MARCHF3: variants seen among roughly 807,000 people sequenced by gnomAD.
MARCHF3 encodes the protein E3 ubiquitin-protein ligase MARCHF3.
Under a neutral mutation model 24.2 loss-of-function variants are expected in MARCHF3, and 13 were observed. The ratio of observed to expected loss-of-function variants is 0.54; its 90% CI spans 0.35 to 0.85. The LOEUF (loss-of-function observed/expected upper bound fraction) is 0.85. Among genes scored for constraint, MARCHF3 ranks in the 40% least tolerant of loss-of-function variants. The pLI, the probability that MARCHF3 is intolerant of heterozygous loss-of-function variation, is 0.01. For missense variants in MARCHF3, 276 were observed against 325.0 expected, an observed-to-expected ratio of 0.85 and a Z score of 1.16; for synonymous variants, 144 against 137.3, an observed-to-expected ratio of 1.05 and a Z score of -0.34.
chr5:126,987,847 G>C (rs1406832488), intron 1 of MARCHF3, among the ~76,000 whole-genome samples: 1 of 152,108 alleles, frequency 6.6e-6, no homozygotes, highest in Non-Finnish European at 1.5e-5. Flanking sequence ...CCTGCCTTAG[G>C]TCCATGCACT....
intron 1 of MARCHF3, among the ~76,000 whole-genome samples, chr5:127,017,604 G>C (rs975974871): frequency 2.6e-5 from 4 of 152,112 alleles, no homozygotes; most frequent in African/African-American, 9.7e-5. Context: ...TTACAATAAA[G>C]TGTTGAATAT....
intron 1 of MARCHF3, among the ~76,000 whole-genome samples, chr5:126,953,744 T>C (rs1750330535): frequency 6.6e-6 from 1 of 152,196 alleles, no homozygotes; most frequent in African/African-American, 2.4e-5. Flanking sequence ...GCTCTTGCCT[T>C]TCCTCCACTC....
At chr5:126,982,973 C>T (rs919744953) in intron 1 of MARCHF3, among the ~76,000 whole-genome samples, 3 of 152,152 alleles carry the variant, frequency 2.0e-5, no homozygotes, top group Non-Finnish European at 2.9e-5. Flanking sequence ...ACAGCTAATC[C>T]TGACATAGGT....
At chr5:126,954,189 C>A (rs547949283) in intron 1 of MARCHF3, among the ~76,000 whole-genome samples, 121 of 149,586 alleles carry the variant, frequency 8.1e-4, no homozygotes, top group Admixed American at 2.0e-3. Context: ...CCTGCCAACA[C>A]GCCCGGCTAA....
chr5:127,001,304 G>A lies in MARCHF3; in HGVS notation c.-57+29046C>T, dbSNP rs1381745719. ...CCAATGCCATTTGACAAAGAAGGTAGGAATTTTGTAATTCAGTCTTACTCT... is the reference window on the plus strand; with the variant it reads ...CCAATGCCATTTGACAAAGAAGGTAAGAATTTTGTAATTCAGTCTTACTCT... On this transcript the variant is annotated intron_variant, in intron 1 of 4. Transcript: ENST00000308660. 4.6e-5 allele frequency among the ~76,000 whole-genome samples: 7 copies of A among 151,950 alleles called. No individual in the cohort carries two copies. In the East Asian group the frequency reaches 1.4e-3, roughly 29 times the overall value.
At chr5:126,918,447 C>T (rs1199828853) in intron 1 of MARCHF3, among the ~76,000 whole-genome samples, 1 of 152,070 alleles carries the variant, frequency 6.6e-6, no homozygotes, top group East Asian at 1.9e-4. Flanking sequence ...AGACAGCAAG[C>T]ATGTCCGTGT....
At chr5:126,968,911 C>G (rs933467669) in intron 1 of MARCHF3, among the ~76,000 whole-genome samples, 1 of 152,272 alleles carries the variant, frequency 6.6e-6, no homozygotes, top group East Asian at 1.9e-4. Flanking sequence ...ATACTAGACT[C>G]TTTTCAGATA....
At chr5:126,965,137 C>T (rs1750763840) in intron 1 of MARCHF3, among the ~76,000 whole-genome samples, 1 of 151,734 alleles carries the variant, frequency 6.6e-6, no homozygotes, top group African/African-American at 2.4e-5. Context: ...TAAATATGGA[C>T]CAGGAACATT....
chr5:126,973,961 A>C (rs1483996326), intron 1 of MARCHF3, among the ~76,000 whole-genome samples: 1 of 135,872 alleles, frequency 7.4e-6, no homozygotes, highest in Non-Finnish European at 1.5e-5. Flanking sequence ...GCAGTGGCAC[A>C]ATCTCGGCTC....
chr5:126,975,268 A>G (rs1269121712), intron 1 of MARCHF3, among the ~76,000 whole-genome samples: 1 of 152,226 alleles, frequency 6.6e-6, no homozygotes, highest in African/African-American at 2.4e-5. Context: ...GTGGGATATA[A>G]TATTGTAACA....
intron 1 of MARCHF3, among the ~76,000 whole-genome samples, chr5:126,978,544 C>A (rs1196176197): frequency 6.6e-6 from 1 of 152,174 alleles, no homozygotes; most frequent in African/African-American, 2.4e-5. Context: ...GTCAGAGTGT[C>A]CACAATTAAA....
chr5:126,957,273 A>G (rs1158289421), intron 1 of MARCHF3, among the ~76,000 whole-genome samples: 3 of 152,194 alleles, frequency 2.0e-5, no homozygotes, highest in Non-Finnish European at 2.9e-5. Context: ...TGTATATATT[A>G]AAGATAGTAA....
intron 1 of MARCHF3, among the ~76,000 whole-genome samples, chr5:127,022,647 T>A (rs1310628422): frequency 1.3e-5 from 2 of 152,170 alleles, no homozygotes; most frequent in African/African-American, 4.8e-5. Context: ...CCTTGAGTCC[T>A]CCCAACCCCC....
chr5:126,915,133 G>T lies in MARCHF3; in HGVS notation c.190C>A (p.Pro64Thr). The T allele has an allele frequency of 6.2e-7, 1 of 1,613,164 alleles. No individual in the cohort carries two copies. The highest frequency in any genetic ancestry group is 8.5e-7 in the Non-Finnish European group (1 of 1,179,912). Residue 64 changes from proline (P) to threonine (T), a missense_variant and splice_region_variant, in exon 3 of 5, where the codon CCC becomes ACC. Physicochemically the swap from Pro to Thr is conservative, Grantham distance 38 (BLOSUM62 -1). Coordinates refer to ENST00000308660, the MANE Select transcript of MARCHF3 (RefSeq NM_178450.5). ...CTGCACATCGGCCGGTCATTGAAGG[G>T]GCTGCAAGAGAAGGAGGGGCACCTG... ...TVVRTLATQS[P>T]FNDRPMCRIC...
chr5:126,915,231 GC>G (rs1293573967), intron 2 of MARCHF3, 97 bp from the exon 3 acceptor site: 36 of 1,015,832 alleles, frequency 3.5e-5, no homozygotes, highest in Non-Finnish European at 4.5e-5. Context: ...CTCCCCAGAG[GC>G]AGCTGCTTTA....
intron 3 of MARCHF3, among the ~76,000 whole-genome samples, chr5:126,887,086 T>C (rs556906619): frequency 4.6e-5 from 7 of 152,312 alleles, no homozygotes; most frequent in South Asian, 2.1e-4. Context: ...CCAGTTTCTA[T>C]AAAGCAGCAA....
intron 1 of MARCHF3, among the ~76,000 whole-genome samples, chr5:126,930,126 A>G (rs1202089071): frequency 2.0e-5 from 3 of 152,162 alleles, no homozygotes; most frequent in Admixed American, 2.0e-4. Context: ...ACTACTACAT[A>G]AGAAACTCTT....
chr5:126,956,645 CAAAAAA>C (rs60640113), intron 1 of MARCHF3, among the ~76,000 whole-genome samples: 7 of 20,598 alleles, frequency 3.4e-4, no homozygotes, highest in African/African-American at 6.5e-4. Flanking sequence ...GCTCTGTCTC[CAAAAAA>C]AAAAAAAAAA....
chr5:126,974,601 A>G (rs1241822553), intron 1 of MARCHF3, among the ~76,000 whole-genome samples: 1 of 152,232 alleles, frequency 6.6e-6, no homozygotes, highest in Non-Finnish European at 1.5e-5. Context: ...AATCAAAATC[A>G]TTGCGTTGAT....
Sources: gnomAD v4.1 joint callset for allele counts (sites outside exome capture counted in the v4.1 genomes callset) on GRCh38, gnomAD v4.1.1 for gene constraint, MANE v1.5 for transcripts, NCBI Gene and HGNC (gene_info 2026-07-23, HGNC 2026-07-21) for gene names.